EPHA5: variants seen among roughly 807,000 people sequenced by gnomAD.
EPHA5 encodes ephrin type-A receptor 5.
In EPHA5, 60 loss-of-function variants were observed where a neutral mutation model predicts 105.0. The observed-to-expected ratio is 0.57, with a 90% CI of 0.46 to 0.71. EPHA5 has a LOEUF of 0.71. Among genes scored for constraint, EPHA5 ranks in the 30% least tolerant of loss-of-function variants. EPHA5 has a pLI of 0.00. For missense variants in EPHA5, 1,218 were observed against 1,274.7 expected (o/e 0.96, Z 0.68); for synonymous variants, 513 against 449.1 (o/e 1.14, Z -1.80).
chr4:65,473,348 A>T (rs935406180), intron 5 of EPHA5, among the ~76,000 whole-genome samples: 10 of 152,212 alleles, frequency 6.6e-5, no homozygotes, highest in Non-Finnish European at 1.5e-4. Context: ...CTGAAGTACC[A>T]ATTTCCTTTA....
Position 65,373,852 on chromosome 4 carries a change from G to A in EPHA5, c.1794-6428C>T, listed in dbSNP as rs561011340. The stretch of plus-strand genomic sequence containing the variant: ...ATGGAGTAAATAATATGAAGACACT[G>A]AAAAGCATGAAACCTAATGAATGAA... On this transcript the variant is annotated intron_variant, in intron 8 of 16. Transcript: ENST00000613740. 3.9e-5 allele frequency among the ~76,000 whole-genome samples: 6 copies of A among 151,918 alleles called. No individual in the cohort carries two copies. In the South Asian group the frequency reaches 1.2e-3, roughly 31 times the overall value.
intron 5 of EPHA5, among the ~76,000 whole-genome samples, chr4:65,466,793 A>T (rs1728764866): frequency 6.6e-6 from 1 of 152,208 alleles, no homozygotes. Flanking sequence ...ATCTGATTGT[A>T]AGCATAGACT....
intron 3 of EPHA5, among the ~76,000 whole-genome samples, chr4:65,574,735 T>TATATACAC (rs1740710324): frequency 9.8e-6 from 1 of 102,264 alleles, no homozygotes; most frequent in Non-Finnish European, 1.9e-5. Context: ...TATATACATA[T>TATATACAC]ATATATACAT....
intron 3 of EPHA5, among the ~76,000 whole-genome samples, chr4:65,549,443 G>A (rs764121063): frequency 2.6e-5 from 4 of 152,184 alleles, no homozygotes; most frequent in Non-Finnish European, 2.9e-5. Context: ...TATATTCAAC[G>A]TTTATACAAC....
intron 8 of EPHA5, among the ~76,000 whole-genome samples, chr4:65,368,055 T>C (rs932857926): frequency 3.7e-4 from 56 of 152,200 alleles, no homozygotes; most frequent in African/African-American, 1.3e-3. Flanking sequence ...GGAAAAAAAA[T>C]CTGTCCTCCT....
At chr4:65,477,015 C>T (rs542044733) in intron 5 of EPHA5, among the ~76,000 whole-genome samples, 20 of 152,114 alleles carry the variant, frequency 1.3e-4, no homozygotes, top group Non-Finnish European at 4.4e-5. Context: ...ATTTGAAGAA[C>T]AGGAAAACCA....
chr4:65,403,399 A>AT (rs1231494982), intron 8 of EPHA5, among the ~76,000 whole-genome samples: 1 of 98,050 alleles, frequency 1.0e-5, no homozygotes, highest in African/African-American at 2.8e-5. Flanking sequence ...GTACATTTTC[A>AT]CTTTTTTTTG....
intron 3 of EPHA5, among the ~76,000 whole-genome samples, chr4:65,512,233 C>T (rs1175620837): frequency 2.6e-5 from 4 of 152,032 alleles, no homozygotes; most frequent in African/African-American, 9.7e-5. Context: ...TCATCATTAA[C>T]CGTAGCTATT....
At chr4:65,382,317 ACT>A (rs1395512015) in intron 8 of EPHA5, among the ~76,000 whole-genome samples, 2 of 151,684 alleles carry the variant, frequency 1.3e-5, no homozygotes, top group African/African-American at 4.8e-5. Flanking sequence ...TTCAATAATG[ACT>A]CTCTGTTTTT....
At chr4:65,440,702 C>T (rs1403973071) in intron 5 of EPHA5, among the ~76,000 whole-genome samples, 2 of 151,690 alleles carry the variant, frequency 1.3e-5, no homozygotes, top group Non-Finnish European at 2.9e-5. Flanking sequence ...GCAAAGCAAG[C>T]AGGGGGCCTT....
chr4:65,425,017 A>C (rs992388864), intron 5 of EPHA5, among the ~76,000 whole-genome samples: 2 of 152,104 alleles, frequency 1.3e-5, no homozygotes. Context: ...TTATAAATAG[A>C]ATCAAGTATT....
chr4:65,565,321 A>G (rs1739425128), intron 3 of EPHA5, among the ~76,000 whole-genome samples: 1 of 151,688 alleles, frequency 6.6e-6, no homozygotes, highest in African/African-American at 2.4e-5. Context: ...GGTGCCCAAT[A>G]TATTCAATCC....
chr4:65,388,027 C>G (rs1461688320), intron 8 of EPHA5, among the ~76,000 whole-genome samples: 2 of 137,080 alleles, frequency 1.5e-5, no homozygotes, highest in Non-Finnish European at 3.1e-5. Context: ...TCCATGTGTT[C>G]TCATTGTTCA....
At chr4:65,569,761 C>A (rs1739926325) in intron 3 of EPHA5, among the ~76,000 whole-genome samples, 2 of 151,694 alleles carry the variant, frequency 1.3e-5, no homozygotes, top group South Asian at 4.2e-4. Flanking sequence ...AGAATCTTTG[C>A]CATTTCACCT....
chr4:65,324,035 C>CTTTTT lies in EPHA5; in HGVS notation c.*74_*78dup. ...GAAATCACTGTTTTCCCTTTTCCCC[C>CTTTTT]TTTTTTTGTTAAAATAAATCTCAGT... On this transcript the variant is annotated 3_prime_UTR_variant, in exon 17 of 17. Coordinates refer to ENST00000613740, the MANE Select transcript of EPHA5 (RefSeq NM_001281766.3). 4 of 938,054 alleles carry CTTTTT rather than the reference C, an allele frequency of 4.3e-6. No individual in the cohort carries two copies. Among genetic ancestry groups the CTTTTT allele is most frequent in the Admixed American group, 2.2e-5 (1 of 46,110 alleles). The allele number at this position is 938,054 out of a possible 1,614,324, so 58.1% of individuals were successfully genotyped here. A position where few individuals can be genotyped will look rare whatever the true frequency, so the allele number is the denominator to read the frequency against.
At chr4:65,390,741 G>T (rs1038073577) in intron 8 of EPHA5, among the ~76,000 whole-genome samples, 1 of 151,874 alleles carries the variant, frequency 6.6e-6, no homozygotes, top group Non-Finnish European at 1.5e-5. Flanking sequence ...AATAACGATG[G>T]CTAAAACACA....
intron 3 of EPHA5, among the ~76,000 whole-genome samples, chr4:65,534,860 T>A (rs530753156): frequency 6.6e-6 from 1 of 152,262 alleles, no homozygotes; most frequent in East Asian, 1.9e-4. Context: ...GTGGCCATTA[T>A]GTGAAACAAC....
chr4:65,477,761 A>C (rs975479258), intron 5 of EPHA5, among the ~76,000 whole-genome samples: 3 of 152,128 alleles, frequency 2.0e-5, no homozygotes, highest in Non-Finnish European at 4.4e-5. Context: ...AATGGGAATA[A>C]TATTTTGTCA....
At chr4:65,463,741 G>A (rs1728340808) in intron 5 of EPHA5, among the ~76,000 whole-genome samples, 1 of 152,164 alleles carries the variant, frequency 6.6e-6, no homozygotes, top group African/African-American at 2.4e-5. Context: ...CTCTTGTCAT[G>A]TAGTTATTTT....
Sources: gnomAD v4.1 joint callset for allele counts (sites outside exome capture counted in the v4.1 genomes callset) on GRCh38, gnomAD v4.1.1 for gene constraint, MANE v1.5 for transcripts, NCBI Gene and HGNC (gene_info 2026-07-23, HGNC 2026-07-21) for gene names.